The following SNTB2 variants were observed in gnomAD, a reference collection of about 807,000 sequenced individuals.
The protein encoded by SNTB2 is syntrophin beta 2, also known as beta-2-syntrophin.
In SNTB2, 34 loss-of-function variants were observed where a neutral mutation model predicts 46.2. The observed-to-expected ratio is 0.74, with a 90% CI of 0.56 to 0.98. The LOEUF (loss-of-function observed/expected upper bound fraction) is 0.98. Ranked by LOEUF, SNTB2 falls within the 50% of genes least tolerant of loss-of-function variation. The pLI, the probability that SNTB2 is intolerant of heterozygous loss-of-function variation, is 0.00. For missense variants in SNTB2, 603 were observed against 731.4 expected, an observed-to-expected ratio of 0.82 and a Z score of 2.02; for synonymous variants, 290 against 312.6, an observed-to-expected ratio of 0.93 and a Z score of 0.76.
intron 4 of SNTB2, among the ~76,000 whole-genome samples, chr16:69,270,984 GTATT>G (rs1381204969): frequency 1.3e-5 from 2 of 152,184 alleles, no homozygotes; most frequent in Non-Finnish European, 2.9e-5. Flanking sequence ...CCATGGAAAA[GTATT>G]TAGTAGTCAA....
At chr16:69,275,463 A>G (rs1964978455) in intron 4 of SNTB2, among the ~76,000 whole-genome samples, 1 of 152,226 alleles carries the variant, frequency 6.6e-6, no homozygotes, top group African/African-American at 2.4e-5. Flanking sequence ...AAGACAGATG[A>G]AAGGTTTAGT....
At chr16:69,188,420 C>T (rs1964016452) in intron 1 of SNTB2, among the ~76,000 whole-genome samples, 2 of 152,276 alleles carry the variant, frequency 1.3e-5, no homozygotes, top group African/African-American at 4.8e-5. Flanking sequence ...CTCACAGGCG[C>T]GCTGCTTCAA....
At chr16:69,224,644 TG>T (rs1964442277) in intron 1 of SNTB2, among the ~76,000 whole-genome samples, 1 of 152,356 alleles carries the variant, frequency 6.6e-6, no homozygotes, top group African/African-American at 2.4e-5. Flanking sequence ...GTTTTAATGA[TG>T]ATTTTCTATT....
rs1433820882 is a variant in SNTB2 at position 69,305,262 on chromosome 16, T to G, written c.*4338T>G. 1.3e-5 allele frequency: 2 copies of G among 152,646 alleles called. No individual in the cohort carries two copies. Among genetic ancestry groups the G allele is most frequent in the African/African-American group, 4.8e-5 (2 of 41,452 alleles). The allele number at this position is 152,646 out of a possible 1,614,324, so 9.5% of individuals were successfully genotyped here. A position where few individuals can be genotyped will look rare whatever the true frequency, so the allele number is the denominator to read the frequency against. ...ATTAAAAGGCCTACCTGCTTAAGAA[T>G]TAAACATTTTTGAAACTTTCAGGGA... On this transcript the variant is annotated 3_prime_UTR_variant, in exon 7 of 7. Transcript: ENST00000336278.
chr16:69,252,732 C>T (rs1407793534), intron 2 of SNTB2, among the ~76,000 whole-genome samples: 1 of 152,116 alleles, frequency 6.6e-6, no homozygotes, highest in Non-Finnish European at 1.5e-5. Context: ...CTCAGAAAAT[C>T]CTCTCGTTTG....
At position 69,260,347 on chromosome 16, in the gene SNTB2, A is replaced by G. The variant is rs534523523; in HGVS notation, c.1005+87A>G. 1.2e-5 allele frequency: 15 copies of G among 1,237,846 alleles called. No individual in the cohort carries two copies. In the Admixed American group the frequency reaches 2.4e-4, roughly 20 times the overall value. The allele number at this position is 1,237,846 out of a possible 1,614,324, so 76.7% of individuals were successfully genotyped here. A position where few individuals can be genotyped will look rare whatever the true frequency, so the allele number is the denominator to read the frequency against. ...ATTTAATATATCTGTAATACTTACC[A>G]TGCAGTTAGGACCTGGATATCTAGC... On this transcript the variant is annotated intron_variant, in intron 3 of 6. Transcript: ENST00000336278.
chr16:69,300,798 T>G, intron 6 of SNTB2, 34 bp from the exon 7 acceptor site: 99 of 1,311,414 alleles, frequency 7.5e-5, no homozygotes, highest in Non-Finnish European at 1.0e-4. Flanking sequence ...TATATGGTAG[T>G]GAGGTAGTGA....
intron 1 of SNTB2, among the ~76,000 whole-genome samples, chr16:69,211,220 A>G (rs1421299220): frequency 6.6e-6 from 1 of 152,158 alleles, no homozygotes; most frequent in Non-Finnish European, 1.5e-5. Flanking sequence ...ACCAAAGCTT[A>G]GGGTAATATT....
At chr16:69,230,765 G>A in intron 1 of SNTB2, among the ~76,000 whole-genome samples, 1 of 134,462 alleles carries the variant, frequency 7.4e-6, no homozygotes, top group Non-Finnish European at 1.6e-5. Flanking sequence ...TTTTTTTTGA[G>A]ACAGAGTCTT....
chr16:69,209,162 C>T (rs551717001), intron 1 of SNTB2, among the ~76,000 whole-genome samples: 92 of 152,138 alleles, frequency 6.0e-4, no homozygotes, highest in Middle Eastern at 6.8e-3. Context: ...TTAGTAGAGA[C>T]GGGTTTCACC....
chr16:69,223,777 C>T (rs975636910), intron 1 of SNTB2, among the ~76,000 whole-genome samples: 5 of 151,994 alleles, frequency 3.3e-5, no homozygotes, highest in Admixed American at 6.6e-5. Context: ...TACAGGTGCC[C>T]GCCACCATGC....
At chr16:69,248,682 CATG>C (rs1213036878) in intron 2 of SNTB2, among the ~76,000 whole-genome samples, 5 of 151,854 alleles carry the variant, frequency 3.3e-5, no homozygotes, top group African/African-American at 7.3e-5. Flanking sequence ...TTGAGCTAGA[CATG>C]GTGGTGGCTC....
intron 5 of SNTB2, among the ~76,000 whole-genome samples, chr16:69,298,719 G>T (rs547213894): frequency 6.6e-6 from 1 of 151,370 alleles, no homozygotes; most frequent in African/African-American, 2.4e-5. Flanking sequence ...ACGGGGTTTC[G>T]CCATGTTGGC....
At chr16:69,220,471 A>T (rs1046060608) in intron 1 of SNTB2, among the ~76,000 whole-genome samples, 2 of 151,498 alleles carry the variant, frequency 1.3e-5, no homozygotes, top group African/African-American at 4.8e-5. Context: ...AGAAAGTCAG[A>T]TTTATTGAGA....
intron 3 of SNTB2, among the ~76,000 whole-genome samples, chr16:69,268,289 C>G (rs561315837): frequency 2.0e-5 from 3 of 151,992 alleles, no homozygotes; most frequent in Non-Finnish European, 4.4e-5. Context: ...CATGGTGAAA[C>G]GCTGTCTTTA....
At chr16:69,272,680 T>C (rs1964949334) in intron 4 of SNTB2, among the ~76,000 whole-genome samples, 1 of 151,162 alleles carries the variant, frequency 6.6e-6, no homozygotes, top group African/African-American at 2.4e-5. Context: ...TCACCTGAGG[T>C]CAGGAGCTCG....
At chr16:69,189,460 C>CA (rs377107714) in intron 1 of SNTB2, among the ~76,000 whole-genome samples, 5 of 152,092 alleles carry the variant, frequency 3.3e-5, no homozygotes, top group Non-Finnish European at 5.9e-5. Context: ...AAAAAAAACA[C>CA]AAAAAACCTT....
At chr16:69,281,254 G>C (rs1312593477) in intron 4 of SNTB2, among the ~76,000 whole-genome samples, 1 of 143,412 alleles carries the variant, frequency 7.0e-6, no homozygotes. Flanking sequence ...TTTTTGAGAC[G>C]AAGTCTCGCT....
chr16:69,216,371 A>C (rs1358536150), intron 1 of SNTB2, among the ~76,000 whole-genome samples: 2 of 152,164 alleles, frequency 1.3e-5, no homozygotes, highest in Non-Finnish European at 2.9e-5. Context: ...GATAGGTATT[A>C]TGATTTTATA....
Sources: gnomAD v4.1 joint callset for allele counts (sites outside exome capture counted in the v4.1 genomes callset) on GRCh38, gnomAD v4.1.1 for gene constraint, MANE v1.5 for transcripts, NCBI Gene and HGNC (gene_info 2026-07-23, HGNC 2026-07-21) for gene names.